Variants in CEP43 observed in about 807,000 individuals in gnomAD.
CEP43 encodes centrosomal protein 43, also known as FGFR1 oncogene partner.
CEP43 carries 36 observed loss-of-function variants against 52.6 expected under a neutral mutation model. The observed-to-expected ratio is 0.68, with a 90% CI of 0.52 to 0.90. The LOEUF (loss-of-function observed/expected upper bound fraction) is 0.90. Ranked by LOEUF, CEP43 falls within the 40% of genes least tolerant of loss-of-function variation. The probability of loss-of-function intolerance (pLI) is 0.00; values close to 1 mark genes in which losing one functional copy is unlikely to be tolerated. For synonymous variants in CEP43, 192 were observed against 172.4 expected (o/e 1.11, Z -0.89); for missense variants, 506 against 472.8 (o/e 1.07, Z -0.65).
At chr6:167,004,050 A>G (rs766114401) in intron 4 of CEP43, 1 of 601,170 alleles carries the variant, frequency 1.7e-6, no homozygotes, top group Non-Finnish European at 2.8e-6. Flanking sequence ...GTTAATTTTG[A>G]TACGATGTTA....
At chr6:167,038,300 C>G (rs1583294279) in intron 12 of CEP43, among the ~76,000 whole-genome samples, 1 of 149,928 alleles carries the variant, frequency 6.7e-6, no homozygotes, top group Non-Finnish European at 1.5e-5. Flanking sequence ...CCTGTCTGCC[C>G]TTCTGTTTTC....
chr6:167,039,982 C>T lies in CEP43; in HGVS notation c.*4C>T, dbSNP rs763220132. 23 of 1,613,688 alleles carry T rather than the reference C, an allele frequency of 1.4e-5. No individual in the cohort carries two copies. The highest frequency in any genetic ancestry group is 6.7e-5 in the East Asian group (3 of 44,862). Reference sequence around the variant, plus strand: ...TTATCTGGAAGATGTTGCATAGACACGAAGAAGGAAGTATTCTAATTAACA... The same window carrying T: ...TTATCTGGAAGATGTTGCATAGACATGAAGAAGGAAGTATTCTAATTAACA... On this transcript the variant is annotated 3_prime_UTR_variant, in exon 13 of 13. Coordinates refer to ENST00000366847, the MANE Select transcript of CEP43 (RefSeq NM_007045.4).
At position 167,040,210 on chromosome 6, in the gene CEP43, A is replaced by T. The variant is rs1780666994; in HGVS notation, c.*232A>T. 1 of 1,526,184 alleles carries T rather than the reference A, an allele frequency of 6.6e-7. No individual in the cohort carries two copies. The highest frequency in any genetic ancestry group is 1.4e-5 in the African/African-American group (1 of 72,352). The allele number at this position is 1,526,184 out of a possible 1,614,324, so 94.5% of individuals were successfully genotyped here. On this transcript the variant is annotated 3_prime_UTR_variant, in exon 13 of 13. Transcript: ENST00000366847. ...TCTTAATTTAACTGTACATTTCTTT[A>T]TGGAAATTGATTATCTACACTCAGT...
intron 7 of CEP43, among the ~76,000 whole-genome samples, chr6:167,020,926 A>G (rs935976398): frequency 1.3e-5 from 2 of 151,130 alleles, no homozygotes; most frequent in Non-Finnish European, 3.0e-5. Flanking sequence ...AAAAAAAAAA[A>G]AAAAAAGATT....
In CEP43 at chr6:166,999,432, C is replaced by CAGTGGTGGCCGA; in HGVS notation, c.21_32dup (p.Val8_Glu11dup). On this transcript the variant is annotated inframe_insertion, in exon 1 of 13. Coordinates refer to ENST00000366847, the MANE Select transcript of CEP43 (RefSeq NM_007045.4). ...AGCAAGATGGCGGCGACGGCGGCCG[C>CAGTGGTGGCCGA]AGTGGTGGCCGAGGAGGACACGGAG... 6.8e-7 allele frequency: 1 copy of CAGTGGTGGCCGA among 1,478,172 alleles called. No individual in the cohort carries two copies. Among genetic ancestry groups the CAGTGGTGGCCGA allele is most frequent in the Non-Finnish European group, 9.0e-7 (1 of 1,111,778 alleles). The allele number at this position is 1,478,172 out of a possible 1,614,324, so 91.6% of individuals were successfully genotyped here. A position where few individuals can be genotyped will look rare whatever the true frequency, so the allele number is the denominator to read the frequency against.
At position 167,032,402 on chromosome 6, in the gene CEP43, A is replaced by G. The variant is rs575012334; in HGVS notation, c.989-201A>G. Among the ~76,000 whole-genome samples, 5 of 152,326 alleles carry G rather than the reference A, an allele frequency of 3.3e-5. No homozygotes were observed. In the South Asian group the frequency reaches 1.0e-3, roughly 32 times the overall value. ...AGATGAGGTGTTAACCACATTTTAT[A>G]GTCACTTGTAACAGTTTATTATTTC... On this transcript the variant is annotated intron_variant, in intron 10 of 12. Coordinates refer to ENST00000366847, the MANE Select transcript of CEP43 (RefSeq NM_007045.4).
intron 7 of CEP43, among the ~76,000 whole-genome samples, chr6:167,015,374 C>T (rs1780071915): frequency 6.6e-6 from 1 of 152,198 alleles, no homozygotes; most frequent in Non-Finnish European, 1.5e-5. Context: ...GCTCTTTGTT[C>T]CCCTGCCTTT....
intron 7 of CEP43, among the ~76,000 whole-genome samples, chr6:167,019,844 A>C (rs746832706): frequency 6.6e-6 from 1 of 152,028 alleles, no homozygotes; most frequent in African/African-American, 2.4e-5. Context: ...TGGCAGTGTG[A>C]ATTCTTGGGG....
intron 7 of CEP43, among the ~76,000 whole-genome samples, chr6:167,020,820 A>G (rs1780210491): frequency 1.3e-5 from 2 of 151,084 alleles, no homozygotes; most frequent in Non-Finnish European, 2.9e-5. Flanking sequence ...GAGGCAGGAG[A>G]ATCGCTTGAA....
chr6:167,023,263 G>T (rs1408521627), intron 8 of CEP43, among the ~76,000 whole-genome samples: 1 of 152,166 alleles, frequency 6.6e-6, no homozygotes, highest in Non-Finnish European at 1.5e-5. Flanking sequence ...TGAGGATCTT[G>T]ATCTGGCGTA....
chr6:167,043,206 G>C lies in CEP43; in HGVS notation c.*3228G>C, dbSNP rs897228890. The C allele has an allele frequency of 6.6e-6, 1 of 152,310 alleles. No homozygotes were observed. Among genetic ancestry groups the C allele is most frequent in the Non-Finnish European group, 1.5e-5 (1 of 68,256 alleles). 9.4% of individuals were successfully genotyped at this position (152,310 alleles called of 1,614,324 possible). On this transcript the variant is annotated 3_prime_UTR_variant, in exon 13 of 13. Coordinates refer to ENST00000366847, the MANE Select transcript of CEP43 (RefSeq NM_007045.4). Reference sequence around the variant, plus strand: ...TGTTGGTTCATGAAGGACATGGGAGGGGGGCAGGACAGGAGAGGCAGCTCT... The same window carrying C: ...TGTTGGTTCATGAAGGACATGGGAGCGGGGCAGGACAGGAGAGGCAGCTCT...
chr6:167,022,081 T>C (rs986969189), intron 7 of CEP43, among the ~76,000 whole-genome samples: 1 of 152,178 alleles, frequency 6.6e-6, no homozygotes, highest in African/African-American at 2.4e-5. Flanking sequence ...TGGGAAAGTG[T>C]TTATAAATGG....
intron 8 of CEP43, 65 bp downstream of exon 8, chr6:167,022,700 A>G: frequency 9.3e-7 from 1 of 1,074,376 alleles, no homozygotes; most frequent in Admixed American, 2.2e-5. Flanking sequence ...TTTTCATTTT[A>G]TAGTTAAAAA....
chr6:167,037,403 T>C (rs16899816), intron 12 of CEP43, among the ~76,000 whole-genome samples: 3,816 of 152,312 alleles, frequency 0.025, 171 homozygotes, highest in African/African-American at 0.088. Flanking sequence ...CTGATTTCAC[T>C]CTGTAATAAT....
chr6:167,026,143 TCA>T (rs773670086), intron 9 of CEP43, among the ~76,000 whole-genome samples: 9 of 152,272 alleles, frequency 5.9e-5, no homozygotes, highest in Non-Finnish European at 8.8e-5. Context: ...GGTGGGTGGA[TCA>T]CGAGGTCAGG....
chr6:167,035,096 G>A (rs1306436212), intron 12 of CEP43, among the ~76,000 whole-genome samples: 3 of 152,184 alleles, frequency 2.0e-5, no homozygotes, highest in Non-Finnish European at 4.4e-5. Context: ...TGCCATTGGG[G>A]GCCTTGGATG....
In CEP43 at chr6:167,049,762, T is replaced by C. The variant is rs1396080867; in HGVS notation, c.*9784T>C. 1 of 152,230 alleles carries C rather than the reference T, an allele frequency of 6.6e-6. No individual in the cohort carries two copies. The highest frequency in any genetic ancestry group is 1.9e-4 in the East Asian group (1 of 5,208). The allele number at this position is 152,230 out of a possible 1,614,324, so 9.4% of individuals were successfully genotyped here. A position where few individuals can be genotyped will look rare whatever the true frequency, so the allele number is the denominator to read the frequency against. ...GCCTCTGAGTAATATAATAACTCTA[T>C]GTTTGGTGTTTTGAAGAATTGCTAA... On this transcript the variant is annotated 3_prime_UTR_variant, in exon 13 of 13. Coordinates refer to ENST00000366847, the MANE Select transcript of CEP43 (RefSeq NM_007045.4).
intron 10 of CEP43, among the ~76,000 whole-genome samples, chr6:167,030,535 G>T (rs1780445476): frequency 6.6e-6 from 1 of 152,172 alleles, no homozygotes; most frequent in African/African-American, 2.4e-5. Context: ...CCTCCTGACT[G>T]CTTATGATCA....
intron 1 of CEP43, 151 bp from the exon 2 acceptor site, chr6:166,999,909 T>A: frequency 3.3e-6 from 2 of 615,126 alleles, no homozygotes; most frequent in Non-Finnish European, 5.7e-6. Context: ...GGAGAGCTTG[T>A]GTGACTGAGA....
Sources: allele counts gnomAD v4.1 joint callset (sites outside exome capture counted in the v4.1 genomes callset), GRCh38; gene constraint gnomAD v4.1.1; transcripts MANE v1.5; gene names NCBI Gene and HGNC (gene_info 2026-07-23, HGNC 2026-07-21).